Variants in ZWILCH observed in about 807,000 individuals in gnomAD.
The protein encoded by ZWILCH is protein zwilch homolog.
A neutral mutation model predicts 79.9 loss-of-function variants in ZWILCH; 74 were observed. The observed-to-expected ratio is 0.93, with a 90% CI of 0.77 to 1.12. The LOEUF (loss-of-function observed/expected upper bound fraction) is 1.12. Ranked by LOEUF, ZWILCH falls within the 50% of genes most tolerant of loss-of-function variation. The pLI, the probability that ZWILCH is intolerant of heterozygous loss-of-function variation, is 0.00. For missense variants in ZWILCH, 694 were observed against 687.5 expected (o/e 1.01, Z -0.11); for synonymous variants, 241 against 228.2 (o/e 1.06, Z -0.51).
At chr15:66,510,992 T>G (rs933395434) in intron 2 of ZWILCH, among the ~76,000 whole-genome samples, 1 of 152,224 alleles carries the variant, frequency 6.6e-6, no homozygotes, top group Non-Finnish European at 1.5e-5. Context: ...AACTGGAGGT[T>G]AGACCTTCAA....
rs1332149416 is a variant in ZWILCH at position 66,527,753 on chromosome 15, TTAGACTTC to T, written c.914-101_914-94del. The T allele has an allele frequency of 6.2e-6, 6 of 970,758 alleles. No individual in the cohort carries two copies. In the East Asian group the frequency reaches 1.6e-4, roughly 26 times the overall value. 60.1% of individuals were successfully genotyped at this position (970,758 alleles called of 1,614,324 possible). On this transcript the variant is annotated intron_variant, in intron 9 of 18. Transcript: ENST00000307897. ...TTCAGTGATTTGCTAAAATCCTTAG[TTAGACTTC>T]TACTGTCCCCATTTACCATTTGAAA... is the stretch of plus-strand genomic sequence containing the variant.
At chr15:66,516,330 C>T (rs1186978198) in intron 4 of ZWILCH, among the ~76,000 whole-genome samples, 1 of 152,136 alleles carries the variant, frequency 6.6e-6, no homozygotes, top group Non-Finnish European at 1.5e-5. Context: ...TGTACAGTTC[C>T]CTCTGTCCAG....
rs1894454497 is a variant in ZWILCH at position 66,520,597 on chromosome 15, A to C, written c.528A>C (p.Lys176Asn). ...TTCTTTCATTTCCTATAGCTGATAA[A>C]AATTATTCTGTAAATCTTGAAAACC... Reference protein sequence around the residue: ...VLYVVSCKADKNYSVNLENLK... With the variant: ...VLYVVSCKADNNYSVNLENLK... The change falls in exon 6 of 19, where the codon AAA becomes AAC. Residue 176 changes from lysine to asparagine, a missense_variant. Transcript: ENST00000307897. 6.7e-7 allele frequency: 1 copy of C among 1,488,220 alleles called. No individual in the cohort carries two copies. The highest frequency in any genetic ancestry group is 9.3e-7 in the Non-Finnish European group (1 of 1,073,888). 92.2% of individuals were successfully genotyped at this position (1,488,220 alleles called of 1,614,324 possible).
intron 8 of ZWILCH, among the ~76,000 whole-genome samples, chr15:66,525,311 C>T (rs1326416334): frequency 6.6e-6 from 1 of 152,206 alleles, no homozygotes; most frequent in Non-Finnish European, 1.5e-5. Flanking sequence ...AATGGAAGAG[C>T]TGGCACAAGT....
intron 2 of ZWILCH, among the ~76,000 whole-genome samples, chr15:66,509,853 A>G (rs1175279415): frequency 2.5e-4 from 24 of 95,806 alleles, no homozygotes; most frequent in African/African-American, 8.6e-4. Context: ...ATATATATAT[A>G]TATATATATA....
At chr15:66,535,087 G>A (rs1218199411) in intron 14 of ZWILCH, among the ~76,000 whole-genome samples, 3 of 150,924 alleles carry the variant, frequency 2.0e-5, no homozygotes, top group African/African-American at 7.3e-5. Flanking sequence ...AAACTAAGAC[G>A]TAGACACACA....
chr15:66,543,153 C>T (rs184206047), intron 17 of ZWILCH, among the ~76,000 whole-genome samples: 3 of 152,232 alleles, frequency 2.0e-5, no homozygotes, highest in East Asian at 3.9e-4. Context: ...GAGCCAAGAT[C>T]GTGCTCTTGC....
chr15:66,540,095 T>C lies in ZWILCH; in HGVS notation c.1575-3T>C. The C allele has an allele frequency of 2.5e-6, 4 of 1,595,374 alleles. No individual in the cohort carries two copies. Among genetic ancestry groups the C allele is most frequent in the Non-Finnish European group, 3.4e-6 (4 of 1,173,704 alleles). On this transcript the variant is annotated splice_polypyrimidine_tract_variant and splice_region_variant and intron_variant, in intron 16 of 18. Transcript: ENST00000307897. ...TTCTTTTGTCGTTTTATTCTTTCCTTAGTGAGAAGCCACAGAAATGGAGAG... is the reference window on the plus strand; with the variant it reads ...TTCTTTTGTCGTTTTATTCTTTCCTCAGTGAGAAGCCACAGAAATGGAGAG...
intron 17 of ZWILCH, among the ~76,000 whole-genome samples, chr15:66,544,724 T>TGTGTGTGTGTGTGTG (rs1555426548): frequency 0.025 from 3,232 of 128,484 alleles, 80 homozygotes; most frequent in African/African-American, 0.054. Context: ...TTTTTGGTTT[T>TGTGTGTGTGTGTGTG]TGTGTGTGTG....
intron 2 of ZWILCH, among the ~76,000 whole-genome samples, chr15:66,511,857 C>T (rs145486166): frequency 0.038 from 5,855 of 152,144 alleles, 151 homozygotes; most frequent in Middle Eastern, 0.068. Flanking sequence ...TCAGGTGATC[C>T]GTCTGCCTCG....
At chr15:66,511,375 C>G (rs1373440485) in intron 2 of ZWILCH, among the ~76,000 whole-genome samples, 1 of 151,650 alleles carries the variant, frequency 6.6e-6, no homozygotes, top group Non-Finnish European at 1.5e-5. Flanking sequence ...ATAGTCCCAG[C>G]TACTACTACT....
rs545546285 is a variant in ZWILCH, at chr15:66,505,549, G to A, written c.53+158G>A. The A allele has an allele frequency of 2.1e-5, 16 of 774,616 alleles. No individual in the cohort carries two copies. In the Middle Eastern group the frequency reaches 8.0e-4, roughly 39 times the overall value. 48.0% of individuals were successfully genotyped at this position (774,616 alleles called of 1,614,324 possible). On this transcript the variant is annotated intron_variant, in intron 1 of 18. Transcript: ENST00000307897. ...GGGGAGAGGCCGGTTCTCGGCTCCG[G>A]TGTGGGGTTGACCGTGTGGGAGCTT... is the stretch of plus-strand genomic sequence containing the variant.
At chr15:66,533,677 C>G (rs1418643163) in intron 14 of ZWILCH, among the ~76,000 whole-genome samples, 2 of 151,920 alleles carry the variant, frequency 1.3e-5, no homozygotes, top group South Asian at 4.2e-4. Context: ...TTATTAAGGG[C>G]ATATATTTTT....
Position 66,542,617 on chromosome 15 carries a change from AG to A in ZWILCH, c.1687+2411del, listed in dbSNP as rs1264714840. On this transcript the variant is annotated intron_variant, in intron 17 of 18. Transcript: ENST00000307897. ...GAAATTCGCAACCCATGTTCAGAAAAGGGGATATATTTCAGTAAGAAAAATA... is the reference window on the plus strand; with the variant it reads ...GAAATTCGCAACCCATGTTCAGAAAAGGGATATATTTCAGTAAGAAAAATA... 2.0e-5 allele frequency among the ~76,000 whole-genome samples: 3 copies of A among 152,320 alleles called. No homozygotes were observed. The East Asian group carries it at 5.8e-4, about 29-fold the overall frequency.
rs199928523 is a variant in ZWILCH at position 66,514,062 on chromosome 15, A to G, written c.180A>G (p.Ile60Met). ...AAAATATTCTAAATGAAAATGACATAGTATTCATAGTGGAAAAAGTGGTAA... is the reference window on the plus strand; with the variant it reads ...AAAATATTCTAAATGAAAATGACATGGTATTCATAGTGGAAAAAGTGGTAA... The part of the protein sequence containing the change: ...PLKNILNEND[I>M]VFIVEKVPLE... Residue 60 changes from isoleucine (I) to methionine (M), a missense_variant, in exon 3 of 19, where the codon ATA becomes ATG. By Grantham distance (10) the Ile-to-Met change is conservative. Transcript: ENST00000307897. 5.6e-6 allele frequency: 9 copies of G among 1,610,154 alleles called. No individual in the cohort carries two copies. In the African/African-American group the frequency reaches 8.0e-5, roughly 14 times the overall value.
rs185097263 is a variant in ZWILCH at position 66,512,474 on chromosome 15, A to G, written c.106-1514A>G. 3.7e-3 allele frequency among the ~76,000 whole-genome samples: 556 copies of G among 151,874 alleles called. 2 individuals are homozygous for G. Among genetic ancestry groups the G allele is most frequent in the African/African-American group, 0.013 (531 of 41,412 alleles). ...CTTGCTGTGTTGTAACTAGTCTCAA[A>G]TTCCTGGCCTCAAACCATCCTCCCA... On this transcript the variant is annotated intron_variant, in intron 2 of 18. Coordinates refer to ENST00000307897, the MANE Select transcript of ZWILCH (RefSeq NM_017975.5).
At chr15:66,506,889 G>T (rs1029414830) in intron 1 of ZWILCH, among the ~76,000 whole-genome samples, 2 of 147,518 alleles carry the variant, frequency 1.4e-5, no homozygotes, top group African/African-American at 5.0e-5. Context: ...ATGGAGTCTC[G>T]CTGTGTTGCC....
chr15:66,523,813 GT>G (rs1894586495), intron 8 of ZWILCH, 65 bp downstream of exon 8: 2 of 1,302,168 alleles, frequency 1.5e-6, no homozygotes, highest in Non-Finnish European at 2.2e-6. Context: ...TGCTATTGTT[GT>G]TTTTACTTAG....
chr15:66,548,600 AG>A lies in ZWILCH; in HGVS notation c.*279del. 6.4e-7 allele frequency: 1 copy of A among 1,570,176 alleles called. No individual in the cohort carries two copies. The highest frequency in any genetic ancestry group is 8.8e-7 in the Non-Finnish European group (1 of 1,140,110). On this transcript the variant is annotated 3_prime_UTR_variant, in exon 19 of 19. Transcript: ENST00000307897. ...GTAACCATTTGCATGTGACTTAGCA[AG>A]GGCTCTGAAATGACAAAGAGAACGA...
Sources: gnomAD v4.1 joint callset for allele counts (sites outside exome capture counted in the v4.1 genomes callset) on GRCh38, gnomAD v4.1.1 for gene constraint, MANE v1.5 for transcripts, NCBI Gene and HGNC (gene_info 2026-07-23, HGNC 2026-07-21) for gene names.